Variants in IKZF3 observed in about 807,000 individuals in gnomAD.
IKZF3 encodes zinc finger protein Aiolos.
A neutral mutation model predicts 49.0 loss-of-function variants in IKZF3; 10 were observed. That is an observed-to-expected ratio of 0.20 (90% CI 0.13 to 0.35). The LOEUF is 0.35. Among genes scored for constraint, IKZF3 ranks in the 10% least tolerant of loss-of-function variants. IKZF3 has a pLI of 1.00. For missense variants in IKZF3, 498 were observed against 664.8 expected (o/e 0.75, Z 2.76); for synonymous variants, 209 against 228.2 (o/e 0.92, Z 0.76).
chr17:39,773,722 C>A (rs899589045), intron 7 of IKZF3, among the ~76,000 whole-genome samples: 2 of 152,146 alleles, frequency 1.3e-5, no homozygotes, highest in African/African-American at 4.8e-5. Flanking sequence ...AGTCATTTTT[C>A]TTCTGCATCC....
intron 1 of IKZF3, among the ~76,000 whole-genome samples, chr17:39,854,646 T>C (rs1221373594): frequency 6.6e-6 from 1 of 152,214 alleles, no homozygotes; most frequent in Non-Finnish European, 1.5e-5. Context: ...GGATAGACCA[T>C]AATGGATGAG....
At chr17:39,815,947 T>A (rs1366835174) in intron 3 of IKZF3, among the ~76,000 whole-genome samples, 1 of 152,220 alleles carries the variant, frequency 6.6e-6, no homozygotes, top group East Asian at 1.9e-4. Context: ...TGAAACCTTG[T>A]CATGCACAAA....
intron 3 of IKZF3, among the ~76,000 whole-genome samples, chr17:39,818,054 G>C (rs185152198): frequency 6.6e-6 from 1 of 152,252 alleles, no homozygotes; most frequent in Non-Finnish European, 1.5e-5. Flanking sequence ...CAAACCTCGG[G>C]TATATGGTAC....
At chr17:39,771,862 C>T (rs376516476) in intron 7 of IKZF3, among the ~76,000 whole-genome samples, 1 of 152,134 alleles carries the variant, frequency 6.6e-6, no homozygotes, top group South Asian at 2.1e-4. Flanking sequence ...ACCTCAGCCC[C>T]CTAAGTAGCT....
rs1255838489 is a variant in IKZF3 at position 39,850,318 on chromosome 17, CATATA to C, written c.7+13797_7+13801del. Among the ~76,000 whole-genome samples, 10 of 130,436 alleles carry C rather than the reference CATATA, an allele frequency of 7.7e-5. No homozygotes were observed. In the East Asian group the frequency reaches 1.8e-3, roughly 24 times the overall value. 85.6% of individuals were successfully genotyped at this position (130,436 alleles called of 152,430 possible). A position where few individuals can be genotyped will look rare whatever the true frequency, so the allele number is the denominator to read the frequency against. ...CAATATATAGCATATTATACATGTA[CATATA>C]ATATATAGCATATTATACATGTACA... On this transcript the variant is annotated intron_variant, in intron 1 of 7. Transcript: ENST00000346872.
Position 39,761,275 on chromosome 17 carries a change from G to C in IKZF3, c.*4515C>G, listed in dbSNP as rs2060176256. On this transcript the variant is annotated 3_prime_UTR_variant, in exon 8 of 8. Coordinates refer to ENST00000346872, the MANE Select transcript of IKZF3 (RefSeq NM_012481.5). ...TGCCAAGGCGAATGTCTTTTTGGGA[G>C]AATAACTTGAGGAAACTAAAGACTG... The C allele has an allele frequency of 6.6e-6, 1 of 152,166 alleles. No homozygotes were observed. Among genetic ancestry groups the C allele is most frequent in the Non-Finnish European group, 1.5e-5 (1 of 68,016 alleles). 9.4% of individuals were successfully genotyped at this position (152,166 alleles called of 1,614,324 possible).
At chr17:39,828,594 G>C (rs1336261656) in intron 3 of IKZF3, among the ~76,000 whole-genome samples, 2 of 152,212 alleles carry the variant, frequency 1.3e-5, no homozygotes, top group Non-Finnish European at 2.9e-5. Flanking sequence ...GTAACCTGGG[G>C]ACCTGGTACT....
chr17:39,801,698 G>C (rs2061321780), intron 3 of IKZF3, among the ~76,000 whole-genome samples: 1 of 152,130 alleles, frequency 6.6e-6, no homozygotes, highest in African/African-American at 2.4e-5. Flanking sequence ...AAAGTAATGA[G>C]AGAGAGAAAC....
rs566581258 is a variant in IKZF3 at position 39,852,672 on chromosome 17, T to G, written c.7+11448A>C. 4.6e-5 allele frequency among the ~76,000 whole-genome samples: 7 copies of G among 152,224 alleles called. No homozygotes were observed. In the East Asian group the frequency reaches 1.4e-3, roughly 29 times the overall value. ...GTTTAGGTGATCCCATTCATTCCCT[T>G]GGCTTTAAATATCACTGGCTGGGCG... On this transcript the variant is annotated intron_variant, in intron 1 of 7. Transcript: ENST00000346872.
chr17:39,855,952 T>A (rs1426032986), intron 1 of IKZF3, among the ~76,000 whole-genome samples: 1 of 151,730 alleles, frequency 6.6e-6, no homozygotes, highest in Non-Finnish European at 1.5e-5. Flanking sequence ...TGTATTATAA[T>A]ATACAATGTA....
At chr17:39,859,956 G>A (rs915108476) in intron 1 of IKZF3, among the ~76,000 whole-genome samples, 13 of 152,196 alleles carry the variant, frequency 8.5e-5, no homozygotes, top group African/African-American at 3.1e-4. Flanking sequence ...TCTAGGCCAG[G>A]TGCAGTGGCT....
chr17:39,838,556 A>C (rs779311852), intron 1 of IKZF3, among the ~76,000 whole-genome samples: 4 of 152,110 alleles, frequency 2.6e-5, no homozygotes, highest in Non-Finnish European at 5.9e-5. Context: ...AATGCTTTCA[A>C]ATATTTTTTC....
intron 7 of IKZF3, among the ~76,000 whole-genome samples, chr17:39,772,061 T>G (rs995290284): frequency 2.6e-5 from 4 of 152,068 alleles, no homozygotes; most frequent in Non-Finnish European, 5.9e-5. Context: ...AATGTGTATT[T>G]TAAGGGCAGA....
rs1314377375 is a variant in IKZF3 at position 39,762,922 on chromosome 17, G to T, written c.*2868C>A. The stretch of plus-strand genomic sequence containing the variant: ...AAAACAAAAAAAGTTGGTCTCCTCT[G>T]CAAAGACTTGAACACTAATCTGGTG... On this transcript the variant is annotated 3_prime_UTR_variant, in exon 8 of 8. Coordinates refer to ENST00000346872, the MANE Select transcript of IKZF3 (RefSeq NM_012481.5). 1 of 152,146 alleles carries T rather than the reference G, an allele frequency of 6.6e-6. No individual in the cohort carries two copies. The highest frequency in any genetic ancestry group is 1.5e-5 in the Non-Finnish European group (1 of 68,024). 9.4% of individuals were successfully genotyped at this position (152,146 alleles called of 1,614,324 possible). A position where few individuals can be genotyped will look rare whatever the true frequency, so the allele number is the denominator to read the frequency against.
chr17:39,823,849 A>G (rs1335926683), intron 3 of IKZF3, among the ~76,000 whole-genome samples: 1 of 152,212 alleles, frequency 6.6e-6, no homozygotes, highest in African/African-American at 2.4e-5. Flanking sequence ...GTCCAGACAG[A>G]AGTTCGCTAC....
Position 39,864,192 on chromosome 17 carries a change from C to A in IKZF3, c.-66G>T, listed in dbSNP as rs1381578208. The A allele has an allele frequency of 1.3e-6, 2 of 1,568,020 alleles. No homozygotes were observed. Among genetic ancestry groups the A allele is most frequent in the Admixed American group, 3.7e-5 (2 of 53,418 alleles). ...CGGCCTCTCCACGTGCTCCTGCCGT[C>A]GCCTGGACTCAGCGCGCAGCTGGCG... On this transcript the variant is annotated 5_prime_UTR_variant, in exon 1 of 8. Coordinates refer to ENST00000346872, the MANE Select transcript of IKZF3 (RefSeq NM_012481.5).
intron 3 of IKZF3, among the ~76,000 whole-genome samples, chr17:39,824,955 A>C (rs758110454): frequency 2.6e-5 from 4 of 152,100 alleles, no homozygotes; most frequent in African/African-American, 4.8e-5. Context: ...TCGGCCTCCC[A>C]AAGAGCTGGG....
At chr17:39,818,926 C>A (rs1828346760) in intron 3 of IKZF3, among the ~76,000 whole-genome samples, 1 of 149,984 alleles carries the variant, frequency 6.7e-6, no homozygotes, top group African/African-American at 2.5e-5. Flanking sequence ...TGTTTCTTTT[C>A]TCTTTCCCAA....
At chr17:39,861,610 A>G (rs1339762361) in intron 1 of IKZF3, among the ~76,000 whole-genome samples, 1 of 152,174 alleles carries the variant, frequency 6.6e-6, no homozygotes, top group African/African-American at 2.4e-5. Flanking sequence ...AGATTCCATC[A>G]TCTACAGGCT....
Sources: allele counts gnomAD v4.1 joint callset (sites outside exome capture counted in the v4.1 genomes callset), GRCh38; gene constraint gnomAD v4.1.1; transcripts MANE v1.5; gene names NCBI Gene and HGNC (gene_info 2026-07-23, HGNC 2026-07-21).